Variants in HIVEP2 observed in about 807,000 individuals in gnomAD.
The protein encoded by HIVEP2 is HIVEP zinc finger 2.
Under a neutral mutation model 180.7 loss-of-function variants are expected in HIVEP2, and 14 were observed. The observed-to-expected ratio is 0.08, with a 90% CI of 0.05 to 0.12. HIVEP2 has a LOEUF of 0.12. Ranked by LOEUF, HIVEP2 falls within the 10% of genes least tolerant of loss-of-function variation. The pLI, the probability that HIVEP2 is intolerant of heterozygous loss-of-function variation, is 1.00. For synonymous variants in HIVEP2, 1,184 were observed against 1,136.4 expected (o/e 1.04, Z -0.84); for missense variants, 2,579 against 3,008.5 (o/e 0.86, Z 3.34).
chr6:142,929,837 G>T (rs1283498419), intron 1 of HIVEP2, among the ~76,000 whole-genome samples: 1 of 152,106 alleles, frequency 6.6e-6, no homozygotes, highest in African/African-American at 2.4e-5. Context: ...TGAGATCCAA[G>T]TTCTCTAACT....
At chr6:142,932,020 T>C (rs779729933) in intron 1 of HIVEP2, among the ~76,000 whole-genome samples, 18 of 152,190 alleles carry the variant, frequency 1.2e-4, no homozygotes, top group Admixed American at 1.1e-3. Flanking sequence ...AGCATTTCCT[T>C]TTGCTATCTC....
chr6:142,858,520 C>A (rs578006838), intron 1 of HIVEP2, among the ~76,000 whole-genome samples: 1 of 152,064 alleles, frequency 6.6e-6, no homozygotes, highest in Admixed American at 6.6e-5. Context: ...GAATAAATGC[C>A]CCCCTCCCTT....
intron 1 of HIVEP2, among the ~76,000 whole-genome samples, chr6:142,921,484 G>A (rs1036740707): frequency 9.9e-5 from 15 of 151,756 alleles, no homozygotes; most frequent in Admixed American, 2.6e-4. Context: ...GCAGTGAGCC[G>A]AGATTGTGCC....
intron 5 of HIVEP2, 43 bp downstream of exon 5, chr6:142,769,509 C>T: frequency 6.5e-7 from 1 of 1,541,592 alleles, no homozygotes. Flanking sequence ...GCTCAGCAAT[C>T]AAATCCACAA....
At chr6:142,814,412 G>A (rs1161424091) in intron 2 of HIVEP2, among the ~76,000 whole-genome samples, 1 of 152,160 alleles carries the variant, frequency 6.6e-6, no homozygotes, top group Non-Finnish European at 1.5e-5. Flanking sequence ...GGGGAGTTGA[G>A]TGGAGACTTC....
intron 1 of HIVEP2, among the ~76,000 whole-genome samples, chr6:142,908,186 A>G (rs990455590): frequency 5.3e-5 from 8 of 151,968 alleles, no homozygotes; most frequent in Non-Finnish European, 1.0e-4. Flanking sequence ...TTTATATCAT[A>G]CTCTATTTGA....
intron 2 of HIVEP2, among the ~76,000 whole-genome samples, chr6:142,813,182 T>C (rs1776742101): frequency 6.6e-6 from 1 of 152,240 alleles, no homozygotes; most frequent in African/African-American, 2.4e-5. Context: ...CTGCTATGTA[T>C]ACAGCCAAAT....
chr6:142,807,505 A>G (rs942080868), intron 2 of HIVEP2, among the ~76,000 whole-genome samples: 5 of 152,166 alleles, frequency 3.3e-5, no homozygotes, highest in East Asian at 1.9e-4. Context: ...ATTTTTTTCC[A>G]TAGAAATAAT....
At chr6:142,930,831 A>C (rs1347039424) in intron 1 of HIVEP2, among the ~76,000 whole-genome samples, 1 of 152,150 alleles carries the variant, frequency 6.6e-6, no homozygotes, top group Non-Finnish European at 1.5e-5. Flanking sequence ...GTAAAACAAA[A>C]TTATTTTTTA....
chr6:142,833,822 A>G (rs912627815), intron 2 of HIVEP2, among the ~76,000 whole-genome samples: 2 of 152,240 alleles, frequency 1.3e-5, no homozygotes, highest in Non-Finnish European at 2.9e-5. Flanking sequence ...AGAAATGTAG[A>G]GCATACATAA....
chr6:142,915,089 G>T (rs1290727699), intron 1 of HIVEP2, among the ~76,000 whole-genome samples: 1 of 152,096 alleles, frequency 6.6e-6, no homozygotes, highest in East Asian at 1.9e-4. Context: ...TTAAAATATT[G>T]TGTAAGAATG....
chr6:142,849,901 G>C (rs186439264), intron 1 of HIVEP2, among the ~76,000 whole-genome samples: 1 of 152,280 alleles, frequency 6.6e-6, no homozygotes, highest in African/African-American at 2.4e-5. Context: ...TCAAAGACTA[G>C]GAAGTGTGCA....
chr6:142,846,567 C>G (rs924374490), intron 1 of HIVEP2, among the ~76,000 whole-genome samples: 1 of 152,170 alleles, frequency 6.6e-6, no homozygotes, highest in African/African-American at 2.4e-5. Context: ...TTAATTATAA[C>G]CTGACAGTTT....
intron 2 of HIVEP2, among the ~76,000 whole-genome samples, chr6:142,822,378 AAAC>A (rs1318709956): frequency 5.3e-5 from 8 of 152,358 alleles, no homozygotes; most frequent in African/African-American, 1.4e-4. Context: ...TAATAATTAA[AAAC>A]AAGATATAGT....
chr6:142,755,724 T>C (rs555532580), intron 9 of HIVEP2, among the ~76,000 whole-genome samples: 191 of 152,314 alleles, frequency 1.3e-3, no homozygotes, highest in African/African-American at 4.3e-3. Flanking sequence ...ATACTCAGCA[T>C]GTTCTAAATC....
At chr6:142,786,754 C>T (rs901137391) in intron 2 of HIVEP2, among the ~76,000 whole-genome samples, 6 of 152,180 alleles carry the variant, frequency 3.9e-5, no homozygotes, top group Non-Finnish European at 7.4e-5. Context: ...TTTTTCCATT[C>T]TCTACTTTTC....
intron 2 of HIVEP2, among the ~76,000 whole-genome samples, chr6:142,809,143 T>G (rs927640132): frequency 2.0e-5 from 3 of 152,086 alleles, no homozygotes; most frequent in African/African-American, 7.2e-5. Context: ...ATGTAAGGGA[T>G]GAATACTAGA....
rs370817546 is a variant in HIVEP2 at position 142,773,394 on chromosome 6, C to T, written c.1345G>A (p.Ala449Thr). ...TCCATTATGCCCTTCCTACCCATTGCGGCACGCTCCTGACTTGTGGTTGTA... is the reference window on the plus strand; with the variant it reads ...TCCATTATGCCCTTCCTACCCATTGTGGCACGCTCCTGACTTGTGGTTGTA... ...SVTTTSQERAAMGRKGIMEPL... is the reference protein window; with the variant it reads ...SVTTTSQERATMGRKGIMEPL... Residue 449 changes from alanine (A) to threonine (T), a missense_variant, in exon 5 of 10, where the codon GCA (alanine) becomes ACA (threonine). Physicochemically the swap from Ala to Thr is moderately conservative, Grantham distance 58 (BLOSUM62 0). Coordinates refer to ENST00000367603, the MANE Select transcript of HIVEP2 (RefSeq NM_006734.4). 23 of 1,614,054 alleles carry T rather than the reference C, an allele frequency of 1.4e-5. No individual in the cohort carries two copies. The East Asian group carries it at 1.6e-4, about 11-fold the overall frequency.
chr6:142,792,804 CA>C (rs537927144), intron 2 of HIVEP2, among the ~76,000 whole-genome samples: 12 of 151,844 alleles, frequency 7.9e-5, no homozygotes, highest in Non-Finnish European at 1.8e-4. Context: ...AAAAGGAACT[CA>C]AAAGCATAAA....
Sources: allele counts gnomAD v4.1 joint callset (sites outside exome capture counted in the v4.1 genomes callset), GRCh38; gene constraint gnomAD v4.1.1; transcripts MANE v1.5; gene names NCBI Gene and HGNC (gene_info 2026-07-23, HGNC 2026-07-21).